IL6ST: variants seen among roughly 807,000 people sequenced by gnomAD.
The protein encoded by IL6ST is interleukin 6 cytokine family signal transducer.
In IL6ST, 24 loss-of-function variants were observed where a neutral mutation model predicts 91.3. The observed-to-expected ratio is 0.26, with a 90% CI of 0.19 to 0.37. IL6ST has a LOEUF of 0.37. IL6ST is among the 10% of genes least tolerant of loss of function. The pLI is 1.00. For missense variants in IL6ST, 914 were observed against 1,078.5 expected (o/e 0.85, Z 2.14); for synonymous variants, 351 against 373.6 (o/e 0.94, Z 0.70).
chr5:55,985,263 C>A (rs1017816720), intron 1 of IL6ST, among the ~76,000 whole-genome samples: 3 of 152,092 alleles, frequency 2.0e-5, no homozygotes, highest in African/African-American at 7.2e-5. Context: ...CACTTGTAAT[C>A]CCATCACTTT....
At position 55,960,570 on chromosome 5, in the gene IL6ST, A is replaced by G. The variant is rs759049988; in HGVS notation, c.814-9T>C. The G allele has an allele frequency of 6.2e-7, 1 of 1,603,910 alleles. No individual in the cohort carries two copies. The highest frequency in any genetic ancestry group is 8.5e-7 in the Non-Finnish European group (1 of 1,176,894). On this transcript the variant is annotated splice_polypyrimidine_tract_variant and intron_variant, in intron 7 of 16. Transcript: ENST00000381298. Reference sequence around the variant, plus strand: ...GTGTCTTCAGGAGGAATCTGAAACAAAGCAAACCAAACAACAGAAAACCTC... The same window carrying G: ...GTGTCTTCAGGAGGAATCTGAAACAGAGCAAACCAAACAACAGAAAACCTC...
At position 55,960,506 on chromosome 5, in the gene IL6ST, T is replaced by C; in HGVS notation, c.869A>G (p.Lys290Arg). The part of the protein sequence containing the change: ...TRSSFTVQDL[K>R]PFTEYVFRIR... ...CCTAAACACATATTCTGTAAAAGGTTTAAGGTCTTGGACAGTGAATGAAGA... is the reference window on the plus strand; with the variant it reads ...CCTAAACACATATTCTGTAAAAGGTCTAAGGTCTTGGACAGTGAATGAAGA... Residue 290 changes from lysine (K) to arginine (R), a missense_variant, in exon 8 of 17, where the codon AAA becomes AGA. Coordinates refer to ENST00000381298, the MANE Select transcript of IL6ST (RefSeq NM_002184.4). 6.2e-7 allele frequency: 1 copy of C among 1,614,070 alleles called. No individual in the cohort carries two copies.
chr5:55,942,271 G>A (rs1046043153), intron 16 of IL6ST, among the ~76,000 whole-genome samples: 4 of 152,168 alleles, frequency 2.6e-5, no homozygotes, highest in Admixed American at 6.5e-5. Context: ...GGTTCCCAGA[G>A]ATCATTTCAT....
intron 3 of IL6ST, among the ~76,000 whole-genome samples, chr5:55,974,101 A>G (rs1426353820): frequency 6.6e-6 from 1 of 152,240 alleles, no homozygotes; most frequent in Non-Finnish European, 1.5e-5. Context: ...GGTATATCTC[A>G]GCTACCACAT....
At chr5:55,951,886 G>T in intron 13 of IL6ST, 43 bp downstream of exon 13, 1 of 1,240,246 alleles carries the variant, frequency 8.1e-7, no homozygotes, top group Non-Finnish European at 1.1e-6. Context: ...AAAAGCTTAA[G>T]GAAAAAATAA....
intron 15 of IL6ST, among the ~76,000 whole-genome samples, chr5:55,945,895 C>T (rs974305966): frequency 3.3e-5 from 5 of 151,796 alleles, no homozygotes; most frequent in African/African-American, 1.2e-4. Context: ...GTGAGCCGCC[C>T]GCCTTGACCT....
chr5:55,985,793 G>C (rs1753930729), intron 1 of IL6ST, among the ~76,000 whole-genome samples: 2 of 152,114 alleles, frequency 1.3e-5, no homozygotes, highest in Non-Finnish European at 2.9e-5. Flanking sequence ...CAATTCCAGG[G>C]TGGGCAAGCT....
chr5:55,976,101 C>T (rs1469148801), intron 3 of IL6ST, 114 bp downstream of exon 3: 7 of 454,096 alleles, frequency 1.5e-5, no homozygotes, highest in Admixed American at 4.1e-5. Context: ...TCTCGATTAT[C>T]CTAGAAAGAA....
Position 55,951,566 on chromosome 5 carries a change from A to G in IL6ST, c.1738T>C (p.Ser580Pro). 6.2e-7 allele frequency: 1 copy of G among 1,612,860 alleles called. No individual in the cohort carries two copies. Among genetic ancestry groups the G allele is most frequent in the South Asian group, 1.1e-5 (1 of 91,022 alleles). Residue 580 changes from serine (S) to proline (P), a missense_variant, in exon 14 of 17, where the codon TCC (serine) becomes CCC (proline). Ser to Pro is a moderately conservative substitution (Grantham distance 74). Coordinates refer to ENST00000381298, the MANE Select transcript of IL6ST (RefSeq NM_002184.4). ...TACAATGTGTCACTAGTCAAAGAGG[A>G]CAATGTATATTCTGTGTGGGAAGAA... ...VDSSHTEYTL[S>P]SLTSDTLYMV...
Position 55,938,942 on chromosome 5 carries a change from T to C in IL6ST, c.*2140A>G. ...TTATACAGGCTTCAACATGCAAATT[T>C]GTTTATATCATGGCCTTCAATGATC... On this transcript the variant is annotated 3_prime_UTR_variant, in exon 17 of 17. Transcript: ENST00000381298. 4.9e-6 allele frequency: 1 copy of C among 203,462 alleles called. No homozygotes were observed. Among genetic ancestry groups the C allele is most frequent in the Non-Finnish European group, 1.0e-5 (1 of 99,122 alleles). The allele number at this position is 203,462 out of a possible 1,614,324, so 12.6% of individuals were successfully genotyped here.
intron 2 of IL6ST, among the ~76,000 whole-genome samples, chr5:55,981,296 T>C (rs1753654609): frequency 1.3e-5 from 2 of 152,210 alleles, no homozygotes; most frequent in Non-Finnish European, 2.9e-5. Context: ...ACAGTAACAC[T>C]ATATAAAATA....
intron 2 of IL6ST, among the ~76,000 whole-genome samples, chr5:55,980,013 G>C (rs112166603): frequency 1.6e-4 from 24 of 152,248 alleles, no homozygotes; most frequent in African/African-American, 4.3e-4. Flanking sequence ...ACATTGTTAA[G>C]GTACAGAACA....
Position 55,935,551 on chromosome 5 carries a change from G to GC in IL6ST, c.*5530dup, listed in dbSNP as rs1322025842. 1 of 217,486 alleles carries GC rather than the reference G, an allele frequency of 4.6e-6. No individual in the cohort carries two copies. The highest frequency in any genetic ancestry group is 9.2e-6 in the Non-Finnish European group (1 of 108,298). The allele number at this position is 217,486 out of a possible 1,614,324, so 13.5% of individuals were successfully genotyped here. ...GTCCAAGAGCCAACCCCGATCAGCA[G>GC]CAACAGGACTCAAGCTGTTCACCCT... On this transcript the variant is annotated 3_prime_UTR_variant, in exon 17 of 17. Transcript: ENST00000381298.
intron 1 of IL6ST, among the ~76,000 whole-genome samples, chr5:55,994,454 G>C (rs566706778): frequency 2.6e-5 from 4 of 152,284 alleles, no homozygotes; most frequent in African/African-American, 7.2e-5. Context: ...ATGAAAAGGG[G>C]ATTGGGAAAA....
intron 1 of IL6ST, among the ~76,000 whole-genome samples, chr5:55,990,953 T>C (rs1156950842): frequency 6.9e-6 from 1 of 144,362 alleles, no homozygotes; most frequent in East Asian, 2.2e-4. Flanking sequence ...AGCGTTCTCA[T>C]TGTTCAATTC....
intron 1 of IL6ST, among the ~76,000 whole-genome samples, chr5:55,987,140 G>A (rs751420332): frequency 6.6e-5 from 10 of 152,192 alleles, no homozygotes; most frequent in Non-Finnish European, 8.8e-5. Flanking sequence ...ATTCCAGCCT[G>A]GGTGACAGAG....
intron 7 of IL6ST, among the ~76,000 whole-genome samples, chr5:55,963,088 G>C (rs1446808609): frequency 7.1e-6 from 1 of 141,374 alleles, no homozygotes; most frequent in Non-Finnish European, 1.5e-5. Context: ...CCTGTCTCTA[G>C]AAGAAAAAAA....
intron 1 of IL6ST, among the ~76,000 whole-genome samples, chr5:55,984,468 T>C (rs1051105029): frequency 1.3e-5 from 2 of 152,174 alleles, no homozygotes; most frequent in Non-Finnish European, 2.9e-5. Flanking sequence ...CCAGGAAGAA[T>C]ACCATGTGAA....
chr5:55,981,092 AT>A (rs1312539213), intron 2 of IL6ST, among the ~76,000 whole-genome samples: 6 of 152,342 alleles, frequency 3.9e-5, no homozygotes, highest in African/African-American at 1.4e-4. Flanking sequence ...AGAATTTATG[AT>A]TACTTCAAAG....
Sources: gnomAD v4.1 joint callset for allele counts (sites outside exome capture counted in the v4.1 genomes callset) on GRCh38, gnomAD v4.1.1 for gene constraint, MANE v1.5 for transcripts, NCBI Gene and HGNC (gene_info 2026-07-23, HGNC 2026-07-21) for gene names.